The following WWP2 variants were observed in gnomAD, a reference collection of about 807,000 sequenced individuals.
WWP2 encodes NEDD4-like E3 ubiquitin-protein ligase WWP2.
WWP2 carries 57 observed loss-of-function variants against 121.0 expected under a neutral mutation model. The observed-to-expected ratio is 0.47, with a 90% confidence interval of 0.38 to 0.59. The LOEUF is 0.59. Among genes scored for constraint, WWP2 ranks in the 20% least tolerant of loss-of-function variants. The probability of loss-of-function intolerance (pLI) is 0.00; values close to 1 mark genes in which losing one functional copy is unlikely to be tolerated. For missense variants in WWP2, 962 were observed against 1,158.9 expected, an observed-to-expected ratio of 0.83 and a Z score of 2.47; for synonymous variants, 449 against 441.3, an observed-to-expected ratio of 1.02 and a Z score of -0.22.
At chr16:69,784,091 C>CTTTTTTTTT (rs61650147) in intron 1 of WWP2, among the ~76,000 whole-genome samples, 10 of 60,866 alleles carry the variant, frequency 1.6e-4, no homozygotes, top group East Asian at 4.7e-4. Context: ...TTCTTTCTTT[C>CTTTTTTTTT]TTTTTTTTTT....
chr16:69,902,761 C>T (rs1175458314), intron 8 of WWP2, among the ~76,000 whole-genome samples: 1 of 152,082 alleles, frequency 6.6e-6, no homozygotes, highest in African/African-American at 2.4e-5. Context: ...TGGGGGGGAC[C>T]AAACCAAGAC....
At chr16:69,888,768 G>T (rs1445770731) in intron 8 of WWP2, among the ~76,000 whole-genome samples, 2 of 151,506 alleles carry the variant, frequency 1.3e-5, no homozygotes, top group Admixed American at 6.6e-5. Flanking sequence ...GCAATGGCAC[G>T]ATCTCAGCTC....
At chr16:69,887,905 CTT>C (rs2057953088) in intron 7 of WWP2, 132 bp from the exon 8 acceptor site, 11 of 1,053,654 alleles carry the variant, frequency 1.0e-5, no homozygotes, top group Non-Finnish European at 1.5e-5. Flanking sequence ...TTTTGTAAAA[CTT>C]TTTGCTGTCG....
intron 1 of WWP2, among the ~76,000 whole-genome samples, chr16:69,784,260 C>T (rs138252641): frequency 1.3e-5 from 2 of 151,860 alleles, no homozygotes; most frequent in South Asian, 2.1e-4. Context: ...CCACCATGCC[C>T]GGTTAATTTT....
At chr16:69,924,440 AAAAG>A (rs2058608563) in intron 10 of WWP2, among the ~76,000 whole-genome samples, 1 of 152,330 alleles carries the variant, frequency 6.6e-6, no homozygotes, top group African/African-American at 2.4e-5. Context: ...AGAAAGAAAA[AAAAG>A]AAAGGAAGAA....
chr16:69,885,102 T>TACAC (rs3051438), intron 7 of WWP2, among the ~76,000 whole-genome samples: 19,293 of 139,864 alleles, frequency 0.14, 1,542 homozygotes, highest in East Asian at 0.31. Context: ...AAACTCCTCC[T>TACAC]ACACACACAC....
At chr16:69,797,253 G>C (rs1256134720) in intron 2 of WWP2, among the ~76,000 whole-genome samples, 19 of 152,230 alleles carry the variant, frequency 1.2e-4, no homozygotes. Flanking sequence ...AGCGGAAGAA[G>C]AAATGTAGAT....
At chr16:69,773,335 C>T (rs1404062670) in intron 1 of WWP2, among the ~76,000 whole-genome samples, 2 of 152,096 alleles carry the variant, frequency 1.3e-5, no homozygotes, top group African/African-American at 2.4e-5. Flanking sequence ...CTCACTACCA[C>T]ACCCAGATAA....
In WWP2 at chr16:69,925,359, T is replaced by TATTG. The variant is rs1448107563; in HGVS notation, c.1180-59_1180-56dup. 2.5e-6 allele frequency: 4 copies of TATTG among 1,588,320 alleles called. No homozygotes were observed. Among genetic ancestry groups the TATTG allele is most frequent in the South Asian group, 1.1e-5 (1 of 88,670 alleles). ...GCCAGTCATTGGCATTTTTATTTTT[T>TATTG]ATTGATTGATTGATTTTTTCACCAG... On this transcript the variant is annotated intron_variant, in intron 10 of 23. Coordinates refer to ENST00000359154, the MANE Select transcript of WWP2 (RefSeq NM_001270454.2). This position sits in a 1 kb window ranked among gnomAD's most constrained non-coding sequence, Gnocchi z 4.0.
intron 1 of WWP2, among the ~76,000 whole-genome samples, chr16:69,779,256 C>T (rs1014481525): frequency 6.6e-6 from 1 of 152,134 alleles, no homozygotes; most frequent in Admixed American, 6.5e-5. Flanking sequence ...TGGCCCCGGC[C>T]GGTTATTTTT....
chr16:69,869,957 C>T (rs2057603068), intron 6 of WWP2, among the ~76,000 whole-genome samples: 1 of 152,158 alleles, frequency 6.6e-6, no homozygotes, highest in African/African-American at 2.4e-5. Flanking sequence ...CTCTTAATTT[C>T]ACCATTGTCC....
At position 69,936,812 on chromosome 16, in the gene WWP2, C is replaced by A. The variant is rs567797483; in HGVS notation, c.2118-306C>A. ...GTCTCACGTGTGCCCGTTCTCCGTG[C>A]CTGTTCCTCAGGCCTCTTGCTTTAG... is the stretch of plus-strand genomic sequence containing the variant. On this transcript the variant is annotated intron_variant, in intron 19 of 23. Coordinates refer to ENST00000359154, the MANE Select transcript of WWP2 (RefSeq NM_001270454.2). 3 of 471,728 alleles carry A rather than the reference C, an allele frequency of 6.4e-6. No homozygotes were observed. In the South Asian group the frequency reaches 7.8e-5, roughly 12 times the overall value. The allele number at this position is 471,728 out of a possible 1,614,324, so 29.2% of individuals were successfully genotyped here. A position where few individuals can be genotyped will look rare whatever the true frequency, so the allele number is the denominator to read the frequency against.
At position 69,937,223 on chromosome 16, in the gene WWP2, C is replaced by T. The variant is rs757464706; in HGVS notation, c.2223C>T (p.Asp741=). 9.3e-6 allele frequency: 15 copies of T among 1,613,412 alleles called. No individual in the cohort carries two copies. The highest frequency in any genetic ancestry group is 6.7e-5 in the Admixed American group (4 of 59,914). ...VAPLEWLRYF[D]EKELELMLCG... ...CGCTGGAGTGGCTGCGCTACTTTGA[C>T]GAGAAAGAGCTGGAGGTGAGTGTCT... The change falls in exon 20 of 24, where the codon GAC becomes GAT. Residue 741 remains aspartate, a synonymous_variant. Transcript: ENST00000359154. This position sits in a 1 kb window ranked among gnomAD's most constrained non-coding sequence, Gnocchi z 6.6.
intron 8 of WWP2, among the ~76,000 whole-genome samples, chr16:69,901,688 A>G (rs1335514104): frequency 2.0e-5 from 3 of 152,210 alleles, no homozygotes; most frequent in African/African-American, 7.2e-5. Context: ...TGCTTGTGTC[A>G]GTGAAAAGTA....
intron 6 of WWP2, among the ~76,000 whole-genome samples, chr16:69,851,189 T>TC (rs1490750650): frequency 1.6e-4 from 24 of 151,244 alleles, no homozygotes; most frequent in Admixed American, 7.3e-4. Context: ...TTTTTTTTTT[T>TC]GTATTTTTAG....
chr16:69,844,391 G>A (rs2057032156), intron 6 of WWP2, among the ~76,000 whole-genome samples: 1 of 152,220 alleles, frequency 6.6e-6, no homozygotes, highest in Non-Finnish European at 1.5e-5. Flanking sequence ...TTTAGAGAGT[G>A]ATGCCTTCTC....
At position 69,935,198 on chromosome 16, in the gene WWP2, G is replaced by C. The variant is rs77253126; in HGVS notation, c.1843-655G>C. Among the ~76,000 whole-genome samples the C allele has an allele frequency of 0.012, 1,808 of 152,258 alleles. 48 individuals carry two copies. Among genetic ancestry groups the C allele is most frequent in the African/African-American group, 0.041 (1,697 of 41,538 alleles). ...TTCGCTTCTTCCCCTGCCTTCCTGA[G>C]TGTCCCACCCGGCTCCCCTCTTAGG... On this transcript the variant is annotated intron_variant, in intron 17 of 23. Transcript: ENST00000359154. This position sits in a 1 kb window ranked among gnomAD's most constrained non-coding sequence, Gnocchi z 5.2.
In WWP2 at chr16:69,937,709, G is replaced by T; in HGVS notation, c.2343+57G>T. 6.4e-7 allele frequency: 1 copy of T among 1,571,478 alleles called. No homozygotes were observed. The highest frequency in any genetic ancestry group is 1.1e-5 in the South Asian group (1 of 89,358). ...ATTTGGGCCATCAACCAAAGGAAACGGGTCCTGAGGAGGCCTCACGCGCAA... is the reference window on the plus strand; with the variant it reads ...ATTTGGGCCATCAACCAAAGGAAACTGGTCCTGAGGAGGCCTCACGCGCAA... On this transcript the variant is annotated intron_variant, in intron 21 of 23. Transcript: ENST00000359154. The surrounding 1 kb of genome is among the most constrained non-coding windows in gnomAD (Gnocchi z 6.6).
intron 9 of WWP2, among the ~76,000 whole-genome samples, chr16:69,915,202 C>T (rs1168282773): frequency 6.6e-6 from 1 of 152,216 alleles, no homozygotes; most frequent in Non-Finnish European, 1.5e-5. Flanking sequence ...AGGAAGTTCT[C>T]ACCTCCAGAA....
Sources: allele counts gnomAD v4.1 joint callset (sites outside exome capture counted in the v4.1 genomes callset), GRCh38; gene constraint gnomAD v4.1.1; non-coding constraint Gnocchi (gnomAD v3.1); transcripts MANE v1.5; gene names NCBI Gene and HGNC (gene_info 2026-07-23, HGNC 2026-07-21).